SLIT3: variants seen among roughly 807,000 people sequenced by gnomAD.
SLIT3 encodes the protein slit homolog 3 protein.
In SLIT3, 68 loss-of-function variants were observed where a neutral mutation model predicts 184.0. The ratio of observed to expected loss-of-function variants is 0.37; its 90% CI spans 0.30 to 0.45. The LOEUF (loss-of-function observed/expected upper bound fraction) is 0.45. Ranked by LOEUF, SLIT3 falls within the 20% of genes least tolerant of loss-of-function variation. The probability of loss-of-function intolerance (pLI) is 1.00; values close to 1 mark genes in which losing one functional copy is unlikely to be tolerated. For missense variants in SLIT3, 1,707 were observed against 2,026.0 expected (o/e 0.84, Z 3.02); for synonymous variants, 831 against 828.6 (o/e 1.00, Z -0.05).
At chr5:168,902,431 G>A (rs1760901460) in intron 4 of SLIT3, among the ~76,000 whole-genome samples, 1 of 152,162 alleles carries the variant, frequency 6.6e-6, no homozygotes, top group Admixed American at 6.5e-5. Flanking sequence ...TTTGTATGAT[G>A]GGAATATGCA....
At chr5:168,817,595 C>A in intron 7 of SLIT3, 132 bp from the exon 8 acceptor site, 2 of 798,154 alleles carry the variant, frequency 2.5e-6, no homozygotes, top group Non-Finnish European at 2.0e-6. Context: ...CCCAGGGAAG[C>A]AATTCCCTCT....
At chr5:168,748,883 A>G (rs1336896324) in intron 19 of SLIT3, among the ~76,000 whole-genome samples, 1 of 152,176 alleles carries the variant, frequency 6.6e-6, no homozygotes. Flanking sequence ...CCCAAAGTTG[A>G]TCAAGTAAAG....
intron 1 of SLIT3, among the ~76,000 whole-genome samples, chr5:169,259,640 C>T (rs1194895044): frequency 1.3e-5 from 2 of 152,180 alleles, no homozygotes; most frequent in East Asian, 3.8e-4. Flanking sequence ...GGCTACCATA[C>T]AATGCAGTTA....
intron 4 of SLIT3, among the ~76,000 whole-genome samples, chr5:169,037,054 T>C (rs1302215946): frequency 6.6e-6 from 1 of 152,242 alleles, no homozygotes; most frequent in Non-Finnish European, 1.5e-5. Context: ...AGGGCTCTTC[T>C]GAGCAGAGGT....
At chr5:169,065,863 T>C (rs570069988) in intron 4 of SLIT3, among the ~76,000 whole-genome samples, 2 of 152,318 alleles carry the variant, frequency 1.3e-5, no homozygotes, top group African/African-American at 2.4e-5. Context: ...AGTAACACGT[T>C]TGAGTAGAAA....
At chr5:169,258,656 T>A (rs1229346374) in intron 1 of SLIT3, among the ~76,000 whole-genome samples, 1 of 152,228 alleles carries the variant, frequency 6.6e-6, no homozygotes, top group Admixed American at 6.5e-5. Flanking sequence ...TATTTTCACA[T>A]CTGTTTGACA....
chr5:168,768,079 G>A (rs918369391), intron 14 of SLIT3: 5 of 399,666 alleles, frequency 1.3e-5, no homozygotes, highest in African/African-American at 1.0e-4. Flanking sequence ...CTGGCAGGTG[G>A]TGGGCTGCGG....
rs972326057 is a variant in SLIT3 at position 169,300,383 on chromosome 5, G to A, written c.197+130C>T. 13 of 1,181,716 alleles carry A rather than the reference G, an allele frequency of 1.1e-5. No homozygotes were observed. The highest frequency in any genetic ancestry group is 1.2e-5 in the Non-Finnish European group (11 of 910,400). 73.2% of individuals were successfully genotyped at this position (1,181,716 alleles called of 1,614,324 possible). ...CCCCCAGCTCGGAGAGTGAGGGATC[G>A]TATCCAGGAAGGGATGAGAATAGAG... is the stretch of plus-strand genomic sequence containing the variant. On this transcript the variant is annotated intron_variant, in intron 1 of 35. Coordinates refer to ENST00000519560, the MANE Select transcript of SLIT3 (RefSeq NM_003062.4). The surrounding 1 kb of genome is among the most constrained non-coding windows in gnomAD (Gnocchi z 4.1).
At chr5:168,789,520 C>G (rs768936020) in intron 11 of SLIT3, 40 bp downstream of exon 11, 233 of 1,535,762 alleles carry the variant, frequency 1.5e-4, no homozygotes, top group South Asian at 1.3e-3. Context: ...CCAGCGCCCC[C>G]CCTCCCCTCA....
chr5:168,913,508 C>T (rs1489956736), intron 4 of SLIT3, among the ~76,000 whole-genome samples: 2 of 152,106 alleles, frequency 1.3e-5, no homozygotes, highest in Non-Finnish European at 2.9e-5. Context: ...TGGCTCATGC[C>T]TGTAGTACCA....
chr5:168,786,042 C>T, intron 11 of SLIT3, 64 bp from the exon 12 acceptor site: 1 of 1,162,112 alleles, frequency 8.6e-7, no homozygotes, highest in East Asian at 2.3e-5. Context: ...CCCAGTCCTG[C>T]AGGAAGCCAT....
intron 30 of SLIT3, among the ~76,000 whole-genome samples, chr5:168,686,132 T>C (rs575299152): frequency 6.6e-6 from 1 of 152,158 alleles, no homozygotes; most frequent in African/African-American, 2.4e-5. Context: ...TTTAAGAGAG[T>C]TGGGGTAGCC....
At chr5:168,821,453 C>G (rs1208083570) in intron 7 of SLIT3, among the ~76,000 whole-genome samples, 1 of 152,204 alleles carries the variant, frequency 6.6e-6, no homozygotes, top group Non-Finnish European at 1.5e-5. Context: ...GCTTCTTGCC[C>G]AGAAGCCCTG....
At chr5:168,813,448 T>C (rs942479347) in intron 8 of SLIT3, among the ~76,000 whole-genome samples, 4 of 152,312 alleles carry the variant, frequency 2.6e-5, no homozygotes, top group Non-Finnish European at 4.4e-5. Flanking sequence ...CCGTAGGGCC[T>C]TAACCTTCCT....
chr5:169,115,026 T>C (rs1301022407), intron 4 of SLIT3, among the ~76,000 whole-genome samples: 1 of 152,182 alleles, frequency 6.6e-6, no homozygotes, highest in Non-Finnish European at 1.5e-5. Context: ...AGAATGTACA[T>C]ATTTCCAGGG....
chr5:169,037,721 T>G (rs953446589), intron 4 of SLIT3: 10 of 152,300 alleles, frequency 6.6e-5, no homozygotes, highest in Middle Eastern at 3.4e-3. Flanking sequence ...GGCTGCTGAG[T>G]GAGAGGGGAC....
intron 6 of SLIT3, among the ~76,000 whole-genome samples, chr5:168,832,080 C>T (rs62378509): frequency 0.013 from 2,010 of 152,322 alleles, 22 homozygotes; most frequent in South Asian, 0.022. Flanking sequence ...GGCTCAACTG[C>T]CTTCCAATGA....
intron 4 of SLIT3, among the ~76,000 whole-genome samples, chr5:169,099,742 G>T (rs995961996): frequency 6.6e-6 from 1 of 151,914 alleles, no homozygotes; most frequent in Non-Finnish European, 1.5e-5. Flanking sequence ...TGGTGTAGCT[G>T]GCGAGGTGGT....
chr5:168,868,336 GCTGGAGTGCA>G (rs1759382670), intron 5 of SLIT3, among the ~76,000 whole-genome samples: 1 of 152,164 alleles, frequency 6.6e-6, no homozygotes, highest in Non-Finnish European at 1.5e-5. Context: ...TGTTGCCCAG[GCTGGAGTGCA>G]CTGGTGCCAT....
Sources: gnomAD v4.1 joint callset for allele counts (sites outside exome capture counted in the v4.1 genomes callset) on GRCh38, gnomAD v4.1.1 for gene constraint, Gnocchi (gnomAD v3.1) non-coding constraint, MANE v1.5 for transcripts, NCBI Gene and HGNC (gene_info 2026-07-23, HGNC 2026-07-21) for gene names.